Variants in RFTN1 observed in about 807,000 individuals in gnomAD.
RFTN1 encodes the protein raftlin, lipid raft linker 1, also known as raftlin.
In RFTN1, 26 loss-of-function variants were observed where a neutral mutation model predicts 46.5. The observed-to-expected ratio is 0.56, with a 90% CI of 0.41 to 0.78. RFTN1 has a LOEUF of 0.78. Ranked by LOEUF, RFTN1 falls within the 30% of genes least tolerant of loss-of-function variation. The pLI is 0.00. For synonymous variants in RFTN1, 261 were observed against 284.2 expected, an observed-to-expected ratio of 0.92 and a Z score of 0.82; for missense variants, 693 against 718.7, an observed-to-expected ratio of 0.96 and a Z score of 0.41.
intron 4 of RFTN1, among the ~76,000 whole-genome samples, chr3:16,399,520 C>T (rs771170782): frequency 1.3e-5 from 2 of 152,150 alleles, no homozygotes; most frequent in African/African-American, 4.8e-5. Context: ...GCCCTCTTCC[C>T]CTGGCCTCCA....
chr3:16,416,881 T>A (rs1259902923), intron 3 of RFTN1, among the ~76,000 whole-genome samples: 1 of 152,190 alleles, frequency 6.6e-6, no homozygotes, highest in East Asian at 1.9e-4. Flanking sequence ...TTTATTATGA[T>A]AAAATACACA....
intron 2 of RFTN1, among the ~76,000 whole-genome samples, chr3:16,444,702 A>G (rs1575302363): frequency 2.0e-5 from 3 of 152,314 alleles, no homozygotes; most frequent in Middle Eastern, 3.4e-3. Context: ...ACAATAAACA[A>G]TGTGGGATGA....
At position 16,408,732 on chromosome 3, in the gene RFTN1, A is replaced by C. The variant is rs957846232; in HGVS notation, c.441+643T>G. ...TCCCTAATTGGCTGATTGGACCTCAAATCACAATCACCTGTATGGGGTGGG... is the reference window on the plus strand; with the variant it reads ...TCCCTAATTGGCTGATTGGACCTCACATCACAATCACCTGTATGGGGTGGG... On this transcript the variant is annotated intron_variant, in intron 4 of 9. Coordinates refer to ENST00000334133, the MANE Select transcript of RFTN1 (RefSeq NM_015150.2). 2.0e-5 allele frequency among the ~76,000 whole-genome samples: 3 copies of C among 148,100 alleles called. No individual in the cohort carries two copies. The East Asian group carries it at 5.9e-4, about 29-fold the overall frequency.
rs867837129 is a variant in RFTN1, at chr3:16,329,174, C to T, written c.1147-2298G>A. 2.0e-5 allele frequency among the ~76,000 whole-genome samples: 3 copies of T among 152,296 alleles called. No individual in the cohort carries two copies. Among genetic ancestry groups the T allele is most frequent in the East Asian group, 1.9e-4 (1 of 5,172 alleles). On this transcript the variant is annotated intron_variant, in intron 7 of 9. Coordinates refer to ENST00000334133, the MANE Select transcript of RFTN1 (RefSeq NM_015150.2). The surrounding 1 kb of genome is among the most constrained non-coding windows in gnomAD (Gnocchi z 4.5). Reference sequence around the variant, plus strand: ...CTCTCTCCCCTCTTTTCTGCGCTTCCGCCTCGGGATGACGCAGCAAGAAGG... The same window carrying T: ...CTCTCTCCCCTCTTTTCTGCGCTTCTGCCTCGGGATGACGCAGCAAGAAGG...
At chr3:16,367,447 T>C (rs1349004539) in intron 6 of RFTN1, among the ~76,000 whole-genome samples, 1 of 152,168 alleles carries the variant, frequency 6.6e-6, no homozygotes, top group African/African-American at 2.4e-5. Flanking sequence ...GTGTTTAAAG[T>C]CAGAGTGGGT....
In RFTN1 at chr3:16,397,646, ACACCCCCGCC is replaced by A. The variant is rs1367315663; in HGVS notation, c.441+11719_441+11728del. Among the ~76,000 whole-genome samples, 3 of 152,174 alleles carry A rather than the reference ACACCCCCGCC, an allele frequency of 2.0e-5. No individual in the cohort carries two copies. The East Asian group carries it at 5.8e-4, about 29-fold the overall frequency. ...ATAGAAAAGAGAGAAGAAACTGACCACACCCCCGCCCACCCCACTGACTACCTGTGATTTT... is the reference window on the plus strand; with the variant it reads ...ATAGAAAAGAGAGAAGAAACTGACCACACCCCACTGACTACCTGTGATTTT... On this transcript the variant is annotated intron_variant, in intron 4 of 9. Coordinates refer to ENST00000334133, the MANE Select transcript of RFTN1 (RefSeq NM_015150.2).
In RFTN1 at chr3:16,387,702, T is replaced by C. The variant is rs183495342; in HGVS notation, c.442-9600A>G. ...GAAAGAATCCAACCAACAATAGAAG[T>C]AAGCAAGCCTCGTCCACCCACCCGC... On this transcript the variant is annotated intron_variant, in intron 4 of 9. Transcript: ENST00000334133. The surrounding 1 kb of genome is among the most constrained non-coding windows in gnomAD (Gnocchi z 5.2). 2.6e-4 allele frequency among the ~76,000 whole-genome samples: 40 copies of C among 151,202 alleles called. No individual in the cohort carries two copies. The highest frequency in any genetic ancestry group is 4.9e-4 in the Non-Finnish European group (33 of 67,850).
chr3:16,332,555 C>G (rs1393316223), intron 7 of RFTN1, among the ~76,000 whole-genome samples: 1 of 152,076 alleles, frequency 6.6e-6, no homozygotes. Flanking sequence ...AGGGATCTTA[C>G]CACGCCACGT....
chr3:16,444,614 TG>T (rs1373422328), intron 2 of RFTN1, among the ~76,000 whole-genome samples: 1 of 152,162 alleles, frequency 6.6e-6, no homozygotes, highest in African/African-American at 2.4e-5. Flanking sequence ...GACACTGAAC[TG>T]GAATAAGCGA....
At chr3:16,431,089 A>G (rs1165085684) in intron 3 of RFTN1, among the ~76,000 whole-genome samples, 1 of 152,146 alleles carries the variant, frequency 6.6e-6, no homozygotes, top group Non-Finnish European at 1.5e-5. Flanking sequence ...ACAGCCCCTC[A>G]TTGTAGCAGC....
chr3:16,433,834 AC>A lies in RFTN1; in HGVS notation c.332+16del. 1.2e-6 allele frequency: 2 copies of A among 1,613,016 alleles called. No homozygotes were observed. Among genetic ancestry groups the A allele is most frequent in the Non-Finnish European group, 1.7e-6 (2 of 1,179,318 alleles). On this transcript the variant is annotated intron_variant, in intron 3 of 9. Coordinates refer to ENST00000334133, the MANE Select transcript of RFTN1 (RefSeq NM_015150.2). The surrounding 1 kb of genome is among the most constrained non-coding windows in gnomAD (Gnocchi z 4.4). ...AGCCGCAACAGGATGCTACCCATTC[AC>A]CCGTGGAGGCCTTACCTGTCGGTTT...
intron 7 of RFTN1, 112 bp from the exon 8 acceptor site, chr3:16,326,988 C>T (rs2069769121): frequency 2.7e-6 from 2 of 734,786 alleles, no homozygotes; most frequent in Non-Finnish European, 4.5e-6. Flanking sequence ...AGTGGCGGTG[C>T]CCGGCCACTC....
At chr3:16,386,463 C>T (rs2074178315) in intron 4 of RFTN1, among the ~76,000 whole-genome samples, 1 of 152,176 alleles carries the variant, frequency 6.6e-6, no homozygotes. Flanking sequence ...TATTGGGCAA[C>T]TTCCCCAAGG....
At chr3:16,323,595 ACTCTTCC>A in intron 8 of RFTN1, 138 bp from the exon 9 acceptor site, 1 of 585,074 alleles carries the variant, frequency 1.7e-6, no homozygotes, top group Non-Finnish European at 3.0e-6. Flanking sequence ...CGCCTGCTCT[ACTCTTCC>A]GCTCCCAGGC....
chr3:16,388,092 C>T (rs1219794161), intron 4 of RFTN1, among the ~76,000 whole-genome samples: 1 of 152,236 alleles, frequency 6.6e-6, no homozygotes, highest in Non-Finnish European at 1.5e-5. Flanking sequence ...TTGCCCACCT[C>T]TCAGGCCACA....
rs1029090352 is a variant in RFTN1, at chr3:16,402,813, C to A, written c.441+6562G>T. 1.3e-5 allele frequency among the ~76,000 whole-genome samples: 2 copies of A among 152,164 alleles called. No homozygotes were observed. The highest frequency in any genetic ancestry group is 6.5e-5 in the Admixed American group (1 of 15,276). On this transcript the variant is annotated intron_variant, in intron 4 of 9. Coordinates refer to ENST00000334133, the MANE Select transcript of RFTN1 (RefSeq NM_015150.2). The surrounding 1 kb of genome is among the most constrained non-coding windows in gnomAD (Gnocchi z 4.5). ...GTACTCGGTTTAATCCAGGACAGTA[C>A]ACTCATTGAGTGGGACCAGCCGCCC...
At chr3:16,438,205 TTTA>T (rs534823620) in intron 2 of RFTN1, among the ~76,000 whole-genome samples, 5 of 152,296 alleles carry the variant, frequency 3.3e-5, no homozygotes, top group Admixed American at 3.3e-4. Flanking sequence ...AAAATAAACC[TTTA>T]TTGAGAGTTT....
chr3:16,441,061 C>A (rs2075611485), intron 2 of RFTN1, among the ~76,000 whole-genome samples: 1 of 152,050 alleles, frequency 6.6e-6, no homozygotes, highest in Non-Finnish European at 1.5e-5. Flanking sequence ...TCTATATTGG[C>A]ACTGAGATGA....
chr3:16,501,242 A>C (rs1420125398), intron 1 of RFTN1, among the ~76,000 whole-genome samples: 2 of 152,212 alleles, frequency 1.3e-5, no homozygotes, highest in African/African-American at 4.8e-5. Flanking sequence ...TGTCATTTTA[A>C]ATGTTGAAAT....
Sources: allele counts gnomAD v4.1 joint callset (sites outside exome capture counted in the v4.1 genomes callset), GRCh38; gene constraint gnomAD v4.1.1; non-coding constraint Gnocchi (gnomAD v3.1); transcripts MANE v1.5; gene names NCBI Gene and HGNC (gene_info 2026-07-23, HGNC 2026-07-21).